The following CNTNAP5 variants were observed in gnomAD, a reference collection of about 807,000 sequenced individuals.
The protein encoded by CNTNAP5 is contactin-associated protein-like 5.
A neutral mutation model predicts 150.2 loss-of-function variants in CNTNAP5; 72 were observed. That is an observed-to-expected ratio of 0.48 (90% CI 0.40 to 0.58). The LOEUF (loss-of-function observed/expected upper bound fraction) is 0.58, where lower values mean the gene tolerates loss of function less well. CNTNAP5 is among the 20% of genes least tolerant of loss of function. The probability of loss-of-function intolerance (pLI) is 0.00; values close to 1 mark genes in which losing one functional copy is unlikely to be tolerated. For missense variants in CNTNAP5, 1,636 were observed against 1,626.2 expected, an observed-to-expected ratio of 1.01 and a Z score of -0.10; for synonymous variants, 672 against 619.8, an observed-to-expected ratio of 1.08 and a Z score of -1.25.
chr2:124,363,975 C>T (rs1214733389), intron 3 of CNTNAP5, among the ~76,000 whole-genome samples: 1 of 152,198 alleles, frequency 6.6e-6, no homozygotes, highest in Non-Finnish European at 1.5e-5. Flanking sequence ...TACCACGTAT[C>T]TCCTTGGAGA....
At position 124,389,747 on chromosome 2, in the gene CNTNAP5, C is replaced by T. The variant is rs1013708726; in HGVS notation, c.382-27696C>T. ...TTAGGGAGGCTTAGTGGGAGGATTG[C>T]TTTAGGCTAGAAGATTGAGACAGTC... On this transcript the variant is annotated intron_variant, in intron 3 of 23. Coordinates refer to ENST00000682447, the MANE Select transcript of CNTNAP5 (RefSeq NM_001367498.1). Among the ~76,000 whole-genome samples the T allele has an allele frequency of 2.6e-5, 4 of 152,014 alleles. No individual in the cohort carries two copies. The South Asian group carries it at 8.3e-4, about 32-fold the overall frequency.
chr2:124,571,870 G>C (rs1231331352), intron 11 of CNTNAP5, among the ~76,000 whole-genome samples: 1 of 151,794 alleles, frequency 6.6e-6, no homozygotes, highest in Non-Finnish European at 1.5e-5. Flanking sequence ...GATGTTTAGG[G>C]AGAAGATGGA....
At chr2:124,290,749 C>T (rs1417020997) in intron 3 of CNTNAP5, among the ~76,000 whole-genome samples, 1 of 152,088 alleles carries the variant, frequency 6.6e-6, no homozygotes, top group African/African-American at 2.4e-5. Context: ...CTATGAGGAA[C>T]CCATGAGTGT....
In CNTNAP5 at chr2:124,431,674, A is replaced by G. The variant is rs1018598929; in HGVS notation, c.530-2810A>G. Among the ~76,000 whole-genome samples the G allele has an allele frequency of 1.0e-4, 15 of 146,860 alleles. 1 individual carries two copies. The highest frequency in any genetic ancestry group is 3.7e-4 in the African/African-American group (15 of 40,654). ...AACATTATATATAATTTCTTTATAT[A>G]AATATAAATAAATTTTAATAAATAA... On this transcript the variant is annotated intron_variant, in intron 4 of 23. Coordinates refer to ENST00000682447, the MANE Select transcript of CNTNAP5 (RefSeq NM_001367498.1).
intron 12 of CNTNAP5, among the ~76,000 whole-genome samples, chr2:124,612,367 G>A (rs1335686066): frequency 6.6e-6 from 1 of 151,948 alleles, no homozygotes; most frequent in Non-Finnish European, 1.5e-5. Context: ...GTGTTGTGTA[G>A]ATTTTCCCTA....
intron 13 of CNTNAP5, among the ~76,000 whole-genome samples, chr2:124,707,235 T>G (rs1679710117): frequency 6.6e-6 from 1 of 151,474 alleles, no homozygotes; most frequent in African/African-American, 2.4e-5. Context: ...TCACTGACAC[T>G]GAGGAGAGGG....
chr2:124,038,968 A>G (rs937266354), intron 1 of CNTNAP5, among the ~76,000 whole-genome samples: 1 of 152,198 alleles, frequency 6.6e-6, no homozygotes, highest in Non-Finnish European at 1.5e-5. Context: ...GCTGATGTCC[A>G]GGCTGGGAAA....
chr2:124,145,794 TAA>T (rs759470861), intron 1 of CNTNAP5, among the ~76,000 whole-genome samples: 3,812 of 29,358 alleles, frequency 0.13, 96 homozygotes, highest in South Asian at 0.23. Context: ...TAAAGTATAA[TAA>T]AAAAAAAAAA....
chr2:124,765,012 C>T (rs1681039859), intron 16 of CNTNAP5, among the ~76,000 whole-genome samples: 1 of 151,906 alleles, frequency 6.6e-6, no homozygotes, highest in South Asian at 2.1e-4. Flanking sequence ...AGAGTGTGCT[C>T]ATGTCCATTT....
chr2:124,121,654 G>A (rs530691553), intron 1 of CNTNAP5, among the ~76,000 whole-genome samples: 1 of 152,218 alleles, frequency 6.6e-6, no homozygotes, highest in Admixed American at 6.5e-5. Context: ...GGAAAATTAT[G>A]AGGTATTTTA....
intron 1 of CNTNAP5, among the ~76,000 whole-genome samples, chr2:124,196,628 G>A (rs1282952210): frequency 6.6e-6 from 1 of 152,142 alleles, no homozygotes; most frequent in African/African-American, 2.4e-5. Context: ...GAACCCCAAG[G>A]CATCTAGAAA....
intron 3 of CNTNAP5, among the ~76,000 whole-genome samples, chr2:124,396,596 A>C (rs2104754014): frequency 6.6e-6 from 1 of 152,338 alleles, no homozygotes; most frequent in East Asian, 1.9e-4. Context: ...AATCAAAAAT[A>C]GCTTGGTACT....
intron 1 of CNTNAP5, among the ~76,000 whole-genome samples, chr2:124,148,928 A>G (rs1213076519): frequency 6.6e-6 from 1 of 152,060 alleles, no homozygotes; most frequent in East Asian, 1.9e-4. Flanking sequence ...ACATATATGT[A>G]TGTATATATA....
At chr2:124,278,889 T>C (rs1335837584) in intron 3 of CNTNAP5, among the ~76,000 whole-genome samples, 1 of 152,204 alleles carries the variant, frequency 6.6e-6, no homozygotes, top group East Asian at 1.9e-4. Context: ...AGAACATTTC[T>C]AACATAATTT....
chr2:124,576,022 TCC>T (rs1319896549), intron 11 of CNTNAP5, among the ~76,000 whole-genome samples: 1 of 152,176 alleles, frequency 6.6e-6, no homozygotes, highest in Non-Finnish European at 1.5e-5. Flanking sequence ...TTCTTAAAGA[TCC>T]TCACACTACG....
intron 13 of CNTNAP5, among the ~76,000 whole-genome samples, chr2:124,691,275 G>C (rs1329329627): frequency 6.6e-6 from 1 of 152,086 alleles, no homozygotes; most frequent in African/African-American, 2.4e-5. Context: ...ATACAAGGTA[G>C]GTCAGATCAT....
At chr2:124,332,951 G>A (rs1419146300) in intron 3 of CNTNAP5, among the ~76,000 whole-genome samples, 1 of 152,012 alleles carries the variant, frequency 6.6e-6, no homozygotes, top group Non-Finnish European at 1.5e-5. Flanking sequence ...ATTTATAAAT[G>A]CTCATTTATC....
chr2:124,242,193 G>T lies in CNTNAP5; in HGVS notation c.188-7G>T, dbSNP rs772052519. On this transcript the variant is annotated splice_polypyrimidine_tract_variant and splice_region_variant and intron_variant, in intron 2 of 23. Coordinates refer to ENST00000682447, the MANE Select transcript of CNTNAP5 (RefSeq NM_001367498.1). ...ACTCTCTCTCACTCTCTCTGATCCTGTTCCAGGAACTGGCGGTTGGTCCCC... is the reference window on the plus strand; with the variant it reads ...ACTCTCTCTCACTCTCTCTGATCCTTTTCCAGGAACTGGCGGTTGGTCCCC... 1.3e-6 allele frequency: 2 copies of T among 1,577,588 alleles called. No individual in the cohort carries two copies. The highest frequency in any genetic ancestry group is 1.4e-5 in the African/African-American group (1 of 74,038).
At chr2:124,362,787 C>A (rs1265604530) in intron 3 of CNTNAP5, among the ~76,000 whole-genome samples, 1 of 152,114 alleles carries the variant, frequency 6.6e-6, no homozygotes, top group East Asian at 1.9e-4. Flanking sequence ...CAACGTACAC[C>A]CAACTGCTTA....
Sources: gnomAD v4.1 joint callset for allele counts (sites outside exome capture counted in the v4.1 genomes callset) on GRCh38, gnomAD v4.1.1 for gene constraint, MANE v1.5 for transcripts, NCBI Gene and HGNC (gene_info 2026-07-23, HGNC 2026-07-21) for gene names.